Variants in FPR3 observed in about 807,000 individuals in gnomAD.
The protein encoded by FPR3 is formyl peptide receptor 3.
For missense variants in FPR3, 346 were observed against 443.2 expected (o/e 0.78, Z 1.97); for synonymous variants, 135 against 163.6 (o/e 0.83, Z 1.34).
chr19:51,801,502 C>G (rs182974527), intron 1 of FPR3, among the ~76,000 whole-genome samples: 2 of 152,178 alleles, frequency 1.3e-5, no homozygotes, highest in Non-Finnish European at 2.9e-5. Flanking sequence ...CATTAGCGGC[C>G]GGACGCGGTG....
Position 51,824,371 on chromosome 19 carries a change from T to C in FPR3, c.623T>C (p.Ile208Thr). The change falls in exon 2 of 2, where the codon ATT becomes ACT. Residue 208 changes from isoleucine to threonine, a missense_variant. Ile to Thr is a moderately conservative substitution (Grantham distance 89). Transcript: ENST00000339223. The surrounding 1 kb of genome is among the most constrained non-coding windows in gnomAD (Gnocchi z 4.7). ...GTCTTTCTGATCCTCCACTTCATTA[T>C]TGGCTTCAGCGTGCCTATGTCCATC... ...AKVFLILHFI[I>T]GFSVPMSIIT... 3 of 1,614,158 alleles carry C rather than the reference T, an allele frequency of 1.9e-6. No individual in the cohort carries two copies. The highest frequency in any genetic ancestry group is 2.2e-5 in the East Asian group (1 of 44,868).
intron 1 of FPR3, among the ~76,000 whole-genome samples, chr19:51,802,555 C>A (rs2084031465): frequency 6.6e-6 from 1 of 152,034 alleles, no homozygotes; most frequent in Non-Finnish European, 1.5e-5. Flanking sequence ...AATTTCTGGA[C>A]CTCAGCCTGT....
At chr19:51,808,571 T>C (rs983701469) in intron 1 of FPR3, among the ~76,000 whole-genome samples, 1 of 152,160 alleles carries the variant, frequency 6.6e-6, no homozygotes, top group Non-Finnish European at 1.5e-5. Context: ...AAACTCTCCA[T>C]TGATAATGAG....
intron 1 of FPR3, among the ~76,000 whole-genome samples, chr19:51,801,086 A>C (rs1182249788): frequency 1.3e-5 from 2 of 152,150 alleles, no homozygotes; most frequent in African/African-American, 4.8e-5. Flanking sequence ...TGATGGGGGA[A>C]AAAAGAAAAT....
At chr19:51,812,130 A>G (rs1286225452) in intron 1 of FPR3, among the ~76,000 whole-genome samples, 1 of 152,236 alleles carries the variant, frequency 6.6e-6, no homozygotes, top group Non-Finnish European at 1.5e-5. Flanking sequence ...GGAGGTAGAC[A>G]TAATAAATAA....
rs2084063873 is a variant in FPR3 at position 51,807,047 on chromosome 19, C to T, written c.-11+11716C>T. On this transcript the variant is annotated intron_variant, in intron 1 of 1. Transcript: ENST00000339223. ...GGTTGACAATGTTGATTGTAGCCTGCCACGATCCCTGATGGACTGAACAAA... is the reference window on the plus strand; with the variant it reads ...GGTTGACAATGTTGATTGTAGCCTGTCACGATCCCTGATGGACTGAACAAA... 3.3e-5 allele frequency among the ~76,000 whole-genome samples: 5 copies of T among 152,300 alleles called. No individual in the cohort carries two copies. In the South Asian group the frequency reaches 1.0e-3, roughly 32 times the overall value.
intron 1 of FPR3, among the ~76,000 whole-genome samples, chr19:51,810,837 A>G (rs939310402): frequency 6.6e-6 from 1 of 152,164 alleles, no homozygotes; most frequent in East Asian, 1.9e-4. Context: ...GTGTTCATGA[A>G]TAACCTGCTG....
chr19:51,815,941 C>A (rs2084133180), intron 1 of FPR3, among the ~76,000 whole-genome samples: 1 of 151,870 alleles, frequency 6.6e-6, no homozygotes, highest in Admixed American at 6.6e-5. Context: ...GTTCCAGGTA[C>A]CTACAGTCCC....
intron 1 of FPR3, among the ~76,000 whole-genome samples, chr19:51,818,429 C>T (rs2084160613): frequency 6.6e-6 from 1 of 152,142 alleles, no homozygotes; most frequent in Non-Finnish European, 1.5e-5. Flanking sequence ...ATGCTAGAGA[C>T]ACAGCACTGA....
chr19:51,812,235 A>C (rs1450788034), intron 1 of FPR3, among the ~76,000 whole-genome samples: 1 of 152,230 alleles, frequency 6.6e-6, no homozygotes, highest in Non-Finnish European at 1.5e-5. Flanking sequence ...ATATGGCCCA[A>C]CGTAGGGTGA....
chr19:51,824,331 A>G lies in FPR3; in HGVS notation c.583A>G (p.Ile195Val), dbSNP rs763510705. Reference protein sequence around the residue: ...DTAVERLNVFITMAKVFLILH... With the variant: ...DTAVERLNVFVTMAKVFLILH... ...TGCTGTAGAGAGGTTGAACGTGTTC[A>G]TTACCATGGCCAAGGTCTTTCTGAT... The change falls in exon 2 of 2, where the codon ATT becomes GTT. Residue 195 changes from isoleucine to valine, a missense_variant. Physicochemically the swap from Ile to Val is conservative, Grantham distance 29. Coordinates refer to ENST00000339223, the MANE Select transcript of FPR3 (RefSeq NM_002030.5). This position sits in a 1 kb window ranked among gnomAD's most constrained non-coding sequence, Gnocchi z 4.7. 3 of 1,614,050 alleles carry G rather than the reference A, an allele frequency of 1.9e-6. No individual in the cohort carries two copies. The highest frequency in any genetic ancestry group is 2.7e-5 in the African/African-American group (2 of 74,922).
intron 1 of FPR3, among the ~76,000 whole-genome samples, chr19:51,818,848 G>A (rs1159770819): frequency 1.3e-5 from 2 of 152,192 alleles, no homozygotes; most frequent in Non-Finnish European, 2.9e-5. Context: ...GGAAGCCATA[G>A]AAGAGTGCTG....
At chr19:51,815,997 T>C (rs1364763584) in intron 1 of FPR3, among the ~76,000 whole-genome samples, 3 of 150,782 alleles carry the variant, frequency 2.0e-5, no homozygotes, top group African/African-American at 7.3e-5. Context: ...AGCCCAGGAG[T>C]TTGAGGCTGC....
intron 1 of FPR3, 89 bp downstream of exon 1, chr19:51,795,420 T>TGAA (rs1172688989): frequency 2.0e-5 from 3 of 150,344 alleles, no homozygotes; most frequent in Non-Finnish European, 4.4e-5. Flanking sequence ...CGTAGTCCAG[T>TGAA]GAAGAATCCA....
intron 1 of FPR3, among the ~76,000 whole-genome samples, chr19:51,801,931 T>C (rs1330391353): frequency 6.6e-6 from 1 of 152,202 alleles, no homozygotes; most frequent in East Asian, 1.9e-4. Flanking sequence ...AGTCATACAG[T>C]CATTGCTCTA....
chr19:51,798,064 T>C lies in FPR3; in HGVS notation c.-11+2733T>C, dbSNP rs569595943. ...AAATCAGTCTTTATCAAAAAACCAT[T>C]TCAGTTCTGCAGAGGGGAAAATGGG... On this transcript the variant is annotated intron_variant, in intron 1 of 1. Coordinates refer to ENST00000339223, the MANE Select transcript of FPR3 (RefSeq NM_002030.5). 2.0e-3 allele frequency among the ~76,000 whole-genome samples: 311 copies of C among 151,788 alleles called. 1 individual carries two copies. The highest frequency in any genetic ancestry group is 3.5e-3 in the Non-Finnish European group (240 of 67,906).
In FPR3 at chr19:51,823,906, T is replaced by G. The variant is rs2084210086; in HGVS notation, c.158T>G (p.Phe53Cys). Reference protein sequence around the residue: ...GNGLVIWVAGFRMTRTVNTIC... With the variant: ...GNGLVIWVAGCRMTRTVNTIC... ...GGGCTTGTGATCTGGGTGGCTGGATTCCGGATGACACGCACAGTCAACACC... is the reference window on the plus strand; with the variant it reads ...GGGCTTGTGATCTGGGTGGCTGGATGCCGGATGACACGCACAGTCAACACC... The change falls in exon 2 of 2, where the codon TTC (phenylalanine) becomes TGC (cysteine). Residue 53 changes from phenylalanine to cysteine, a missense_variant. Transcript: ENST00000339223. 1 of 1,613,946 alleles carries G rather than the reference T, an allele frequency of 6.2e-7. No individual in the cohort carries two copies. The highest frequency in any genetic ancestry group is 1.3e-5 in the African/African-American group (1 of 74,902).
chr19:51,799,865 G>A (rs189271944), intron 1 of FPR3, among the ~76,000 whole-genome samples: 84 of 152,332 alleles, frequency 5.5e-4, no homozygotes, highest in African/African-American at 1.6e-3. Flanking sequence ...GTAGTGGTCC[G>A]GCCTGTATTG....
chr19:51,806,725 T>C (rs1194234209), intron 1 of FPR3, among the ~76,000 whole-genome samples: 1 of 152,202 alleles, frequency 6.6e-6, no homozygotes, highest in Non-Finnish European at 1.5e-5. Flanking sequence ...TATGAGCAAA[T>C]GATGACAGAC....
Sources: gnomAD v4.1 joint callset for allele counts (sites outside exome capture counted in the v4.1 genomes callset) on GRCh38, gnomAD v4.1.1 for gene constraint, Gnocchi (gnomAD v3.1) non-coding constraint, MANE v1.5 for transcripts, NCBI Gene and HGNC (gene_info 2026-07-23, HGNC 2026-07-21) for gene names.